The following TMEM266 variants were observed in gnomAD, a reference collection of about 807,000 sequenced individuals.
TMEM266 encodes the protein transmembrane protein 266.
Under a neutral mutation model 50.5 loss-of-function variants are expected in TMEM266, and 33 were observed. The observed-to-expected ratio is 0.65, with a 90% confidence interval of 0.50 to 0.87. The LOEUF is 0.87. TMEM266 is among the 40% of genes least tolerant of loss of function. The pLI, the probability that TMEM266 is intolerant of heterozygous loss-of-function variation, is 0.00. For synonymous variants in TMEM266, 310 were observed against 292.3 expected, an observed-to-expected ratio of 1.06 and a Z score of -0.62; for missense variants, 655 against 695.1, an observed-to-expected ratio of 0.94 and a Z score of 0.65.
intron 1 of TMEM266, among the ~76,000 whole-genome samples, chr15:76,124,433 G>A (rs1026212762): frequency 6.6e-6 from 1 of 152,124 alleles, no homozygotes; most frequent in South Asian, 2.1e-4. Flanking sequence ...TTCATAGATT[G>A]GAATAATTCA....
intron 3 of TMEM266, among the ~76,000 whole-genome samples, chr15:76,140,162 G>A (rs141805922): frequency 9.8e-5 from 15 of 152,354 alleles, no homozygotes; most frequent in African/African-American, 2.6e-4. Context: ...GTTCCCGTTG[G>A]GTAAATAGGA....
At chr15:76,135,366 C>T (rs1371438124) in intron 2 of TMEM266, among the ~76,000 whole-genome samples, 1 of 152,178 alleles carries the variant, frequency 6.6e-6, no homozygotes, top group East Asian at 1.9e-4. Flanking sequence ...CACCACATGG[C>T]CAGAGATGGT....
intron 8 of TMEM266, among the ~76,000 whole-genome samples, chr15:76,179,913 C>A (rs2038371619): frequency 6.6e-6 from 1 of 152,084 alleles, no homozygotes; most frequent in Non-Finnish European, 1.5e-5. Flanking sequence ...GTAATGACAC[C>A]ACTGCACTCC....
chr15:76,159,844 G>A (rs189986672), intron 4 of TMEM266, among the ~76,000 whole-genome samples: 1 of 151,852 alleles, frequency 6.6e-6, no homozygotes, highest in Non-Finnish European at 1.5e-5. Context: ...GGCGGCCTGT[G>A]GGGGAGAAGG....
intron 8 of TMEM266, among the ~76,000 whole-genome samples, chr15:76,182,166 C>T (rs1054581778): frequency 2.0e-5 from 3 of 152,050 alleles, no homozygotes; most frequent in Non-Finnish European, 2.9e-5. Context: ...TCCTCTTATT[C>T]GGGGAGCCAG....
In TMEM266 at chr15:76,204,432, G is replaced by C; in HGVS notation, c.*117G>C. ...CAGGAGCCCACCTGGCCTCCCTCAGGGTGCTGCCTGCCTCCAGGGAGGCGA... is the reference window on the plus strand; with the variant it reads ...CAGGAGCCCACCTGGCCTCCCTCAGCGTGCTGCCTGCCTCCAGGGAGGCGA... On this transcript the variant is annotated 3_prime_UTR_variant, in exon 11 of 11. Transcript: ENST00000388942. The C allele has an allele frequency of 1.0e-6, 1 of 995,316 alleles. No homozygotes were observed. Among genetic ancestry groups the C allele is most frequent in the Non-Finnish European group, 1.5e-6 (1 of 686,252 alleles). 61.7% of individuals were successfully genotyped at this position (995,316 alleles called of 1,614,324 possible).
At chr15:76,082,750 CTTG>C (rs2036714103) in intron 1 of TMEM266, among the ~76,000 whole-genome samples, 2 of 152,118 alleles carry the variant, frequency 1.3e-5, no homozygotes, top group African/African-American at 4.8e-5. Flanking sequence ...GGGTGGATCA[CTTG>C]AGGTCAGGAG....
In TMEM266 at chr15:76,084,870, G is replaced by A. The variant is rs2036751200; in HGVS notation, c.-97+24854G>A. 2.0e-5 allele frequency among the ~76,000 whole-genome samples: 3 copies of A among 152,070 alleles called. No individual in the cohort carries two copies. In the South Asian group the frequency reaches 6.2e-4, roughly 32 times the overall value. ...CCTGCCTTGGCCTCCGAAAGTGCTG[G>A]GCAAGTGTAAGCCACTGTGCCCAGC... is the stretch of plus-strand genomic sequence containing the variant. On this transcript the variant is annotated intron_variant, in intron 1 of 10. Transcript: ENST00000388942.
At chr15:76,151,190 C>T (rs984135195) in intron 3 of TMEM266, among the ~76,000 whole-genome samples, 26 of 152,172 alleles carry the variant, frequency 1.7e-4, no homozygotes, top group East Asian at 7.7e-4. Flanking sequence ...CTTGATGGGC[C>T]GACGCTGAAG....
At chr15:76,065,310 C>T (rs2036392798) in intron 1 of TMEM266, among the ~76,000 whole-genome samples, 1 of 152,056 alleles carries the variant, frequency 6.6e-6, no homozygotes, top group African/African-American at 2.4e-5. Context: ...AGCTCCTGCC[C>T]CCACCCCTCT....
At chr15:76,128,527 T>G (rs1371111230) in intron 1 of TMEM266, among the ~76,000 whole-genome samples, 1 of 152,224 alleles carries the variant, frequency 6.6e-6, no homozygotes, top group Admixed American at 6.5e-5. Context: ...TTTTACCAGG[T>G]TTATGGAATA....
rs186915062 is a variant in TMEM266, at chr15:76,083,030, C to T, written c.-97+23014C>T. 2.0e-5 allele frequency among the ~76,000 whole-genome samples: 3 copies of T among 152,046 alleles called. No individual in the cohort carries two copies. The East Asian group carries it at 5.8e-4, about 30-fold the overall frequency. On this transcript the variant is annotated intron_variant, in intron 1 of 10. Transcript: ENST00000388942. Reference sequence around the variant, plus strand: ...GGCATGAACTAACAGAGCAAGAACTCACTCGTTACTGTGGGGAGGGAACCT... The same window carrying T: ...GGCATGAACTAACAGAGCAAGAACTTACTCGTTACTGTGGGGAGGGAACCT...
At chr15:76,135,109 C>G (rs1389707767) in intron 2 of TMEM266, among the ~76,000 whole-genome samples, 1 of 152,194 alleles carries the variant, frequency 6.6e-6, no homozygotes. Flanking sequence ...CATCTAACAT[C>G]TCGTTGGCAA....
At chr15:76,079,831 T>TGG (rs370809909) in intron 1 of TMEM266, among the ~76,000 whole-genome samples, 4 of 108,238 alleles carry the variant, frequency 3.7e-5, no homozygotes, top group African/African-American at 1.4e-4. Context: ...TTTAGGGCGG[T>TGG]GGGGGGGTGG....
chr15:76,160,843 T>C lies in TMEM266; in HGVS notation c.456+675T>C, dbSNP rs774257650. ...AGGGGAGGGGGAAAGTTTATGGAGA[T>C]CCGCAGGCCCCCGGGCTTGGTGCAG... is the stretch of plus-strand genomic sequence containing the variant. On this transcript the variant is annotated intron_variant, in intron 5 of 10. Coordinates refer to ENST00000388942, the MANE Select transcript of TMEM266 (RefSeq NM_152335.3). This position sits in a 1 kb window ranked among gnomAD's most constrained non-coding sequence, Gnocchi z 5.7. 1.3e-5 allele frequency among the ~76,000 whole-genome samples: 2 copies of C among 151,982 alleles called. No homozygotes were observed. Among genetic ancestry groups the C allele is most frequent in the African/African-American group, 2.4e-5 (1 of 41,348 alleles).
chr15:76,088,831 C>T (rs568492427), intron 1 of TMEM266, among the ~76,000 whole-genome samples: 5 of 150,770 alleles, frequency 3.3e-5, no homozygotes, highest in Non-Finnish European at 7.4e-5. Flanking sequence ...TGGTGGTTCA[C>T]GCCTGTAATC....
At chr15:76,083,775 A>G (rs2955736) in intron 1 of TMEM266, among the ~76,000 whole-genome samples, 125,097 of 152,112 alleles carry the variant, frequency 0.82, 51,563 homozygotes, top group Admixed American at 0.87. Flanking sequence ...TTAATTCACC[A>G]TTCTGTGTAC....
At chr15:76,089,281 G>GC (rs200442212) in intron 1 of TMEM266, among the ~76,000 whole-genome samples, 151,462 of 151,486 alleles carry the variant, frequency 1, 75,719 homozygotes, top group Non-Finnish European at 1. Context: ...TGCAACTGCC[G>GC]CTCCGGGTTC....
At chr15:76,071,410 A>G (rs2036537719) in intron 1 of TMEM266, among the ~76,000 whole-genome samples, 2 of 152,162 alleles carry the variant, frequency 1.3e-5, no homozygotes, top group Admixed American at 6.5e-5. Flanking sequence ...GAGGCATTCA[A>G]GGAGAGTTGA....
Sources: allele counts gnomAD v4.1 joint callset (sites outside exome capture counted in the v4.1 genomes callset), GRCh38; gene constraint gnomAD v4.1.1; non-coding constraint Gnocchi (gnomAD v3.1); transcripts MANE v1.5; gene names NCBI Gene and HGNC (gene_info 2026-07-23, HGNC 2026-07-21).